Variants in DTL observed in about 807,000 individuals in gnomAD.
DTL encodes denticleless E3 ubiquitin protein ligase adapter.
Under a neutral mutation model 87.0 loss-of-function variants are expected in DTL, and 46 were observed. That is an observed-to-expected ratio of 0.53 (90% confidence interval 0.42 to 0.68). The LOEUF is 0.68. DTL is among the 30% of genes least tolerant of loss of function. The pLI is 0.00. For missense variants in DTL, 737 were observed against 869.4 expected, an observed-to-expected ratio of 0.85 and a Z score of 1.91; for synonymous variants, 308 against 311.2, an observed-to-expected ratio of 0.99 and a Z score of 0.11.
chr1:212,061,620 A>G (rs11119837), intron 5 of DTL, among the ~76,000 whole-genome samples: 11,086 of 152,316 alleles, frequency 0.073, 537 homozygotes, highest in South Asian at 0.16. Flanking sequence ...ACTATTCACA[A>G]TAGCCAAGAT....
intron 13 of DTL, among the ~76,000 whole-genome samples, chr1:212,091,095 A>G (rs1463415297): frequency 1.3e-5 from 2 of 152,368 alleles, no homozygotes; most frequent in East Asian, 1.9e-4. Flanking sequence ...GGAAATGTTC[A>G]CAATATATTA....
At chr1:212,102,331 G>A (rs1341974453) in intron 14 of DTL, among the ~76,000 whole-genome samples, 1 of 151,574 alleles carries the variant, frequency 6.6e-6, no homozygotes. Flanking sequence ...TAGCAGAAAA[G>A]TAGTTTCAAT....
Position 212,100,860 on chromosome 1 carries a change from C to G in DTL, c.1870C>G (p.Pro624Ala), listed in dbSNP as rs955252456. 14 of 1,614,154 alleles carry G rather than the reference C, an allele frequency of 8.7e-6. No homozygotes were observed. Among genetic ancestry groups the G allele is most frequent in the Non-Finnish European group, 1.1e-5 (13 of 1,180,020 alleles). The change falls in exon 14 of 15, where the codon CCT becomes GCT. Residue 624 changes from proline to alanine, a missense_variant. Transcript: ENST00000366991. ...AGTSISEPPSPISPYASESCG... is the reference protein window; with the variant it reads ...AGTSISEPPSAISPYASESCG... ...TACCAGTATCTCAGAGCCTCCGTCT[C>G]CTATCAGTCCGTATGCTTCAGAAAG... is the stretch of plus-strand genomic sequence containing the variant.
At chr1:212,068,760 G>T (rs1182105959) in intron 10 of DTL, 57 bp downstream of exon 10, 2 of 1,144,064 alleles carry the variant, frequency 1.7e-6, no homozygotes, top group Admixed American at 4.1e-5. Flanking sequence ...GCTTTTTTTG[G>T]TAATGATAAT....
At chr1:212,065,855 A>G (rs148687301) in intron 7 of DTL, among the ~76,000 whole-genome samples, 3,992 of 152,054 alleles carry the variant, frequency 0.026, 59 homozygotes, top group African/African-American at 0.047. Flanking sequence ...ACAGGTGCCC[A>G]CCACCACGCC....
intron 5 of DTL, among the ~76,000 whole-genome samples, chr1:212,054,222 G>A (rs573758169): frequency 6.6e-6 from 1 of 152,036 alleles, no homozygotes; most frequent in Non-Finnish European, 1.5e-5. Context: ...ACGGAATCAT[G>A]GGTTCCCTTT....
At chr1:212,066,177 G>A (rs565259339) in intron 7 of DTL, among the ~76,000 whole-genome samples, 1 of 151,826 alleles carries the variant, frequency 6.6e-6, no homozygotes, top group East Asian at 1.9e-4. Flanking sequence ...CTGGTGTGTA[G>A]GGTACAAGTT....
chr1:212,042,489 T>C (rs1667682898), intron 1 of DTL, among the ~76,000 whole-genome samples: 1 of 152,262 alleles, frequency 6.6e-6, no homozygotes, highest in Admixed American at 6.5e-5. Flanking sequence ...CATTTTAGAT[T>C]CCTACAATTT....
At chr1:212,068,121 G>A in intron 8 of DTL, 103 bp from the exon 9 acceptor site, 2 of 676,818 alleles carry the variant, frequency 3.0e-6, no homozygotes, top group East Asian at 2.7e-5. Context: ...CCTAGTTAAT[G>A]TGCCAGAGGA....
intron 3 of DTL, among the ~76,000 whole-genome samples, chr1:212,045,632 G>A (rs1667787077): frequency 6.6e-6 from 1 of 152,166 alleles, no homozygotes; most frequent in South Asian, 2.1e-4. Context: ...AGTAAAGAAG[G>A]CTAGGAAAAC....
chr1:212,081,524 TTG>T (rs1654990511), intron 13 of DTL, among the ~76,000 whole-genome samples: 1 of 152,238 alleles, frequency 6.6e-6, no homozygotes, highest in Non-Finnish European at 1.5e-5. Context: ...TTGATCATTC[TTG>T]CTCCTGTGTT....
chr1:212,072,986 C>T (rs1366839211), intron 11 of DTL, among the ~76,000 whole-genome samples: 3 of 152,046 alleles, frequency 2.0e-5, no homozygotes, highest in Non-Finnish European at 2.9e-5. Flanking sequence ...AGGATGGTCT[C>T]GATCTCCTGA....
At chr1:212,059,402 CAG>C (rs2102544473) in intron 5 of DTL, among the ~76,000 whole-genome samples, 1 of 151,276 alleles carries the variant, frequency 6.6e-6, no homozygotes, top group Non-Finnish European at 1.5e-5. Flanking sequence ...ACGTCATCAA[CAG>C]AATGAAGGAC....
At position 212,100,975 on chromosome 1, in the gene DTL, G is replaced by C. The variant is rs775061097; in HGVS notation, c.1985G>C (p.Trp662Ser). 8 of 1,614,134 alleles carry C rather than the reference G, an allele frequency of 5.0e-6. No homozygotes were observed. Among genetic ancestry groups the C allele is most frequent in the Non-Finnish European group, 6.8e-6 (8 of 1,180,008 alleles). ...KENSSPENKN[W>S]LLAMAAKRKA... ...AATAGTTCCCCAGAGAATAAAAACT[G>C]GTTGTTGGCCATGGCAGCCAAACGG... Residue 662 changes from tryptophan to serine, a missense_variant, in exon 14 of 15, where the codon TGG (tryptophan) becomes TCG (serine). Transcript: ENST00000366991.
Position 212,047,426 on chromosome 1 carries a change from G to C in DTL, c.460+9G>C, listed in dbSNP as rs779945184. 14 of 1,614,134 alleles carry C rather than the reference G, an allele frequency of 8.7e-6. No individual in the cohort carries two copies. Among genetic ancestry groups the C allele is most frequent in the Middle Eastern group, 3.3e-4 (2 of 6,062 alleles). ...TTCTAAGTTTGAGAAAGGTAGGTTTGTGCTTATCTTCTTTCATCTCCTTAA... is the reference window on the plus strand; with the variant it reads ...TTCTAAGTTTGAGAAAGGTAGGTTTCTGCTTATCTTCTTTCATCTCCTTAA... On this transcript the variant is annotated intron_variant, in intron 5 of 14. Transcript: ENST00000366991.
At chr1:212,041,918 G>A (rs1375507355) in intron 1 of DTL, among the ~76,000 whole-genome samples, 2 of 152,040 alleles carry the variant, frequency 1.3e-5, no homozygotes, top group Non-Finnish European at 2.9e-5. Context: ...AATTTCTTTG[G>A]TGCCCTTCTG....
At chr1:212,069,963 G>T (rs1391916323) in intron 10 of DTL, among the ~76,000 whole-genome samples, 2 of 152,138 alleles carry the variant, frequency 1.3e-5, no homozygotes. Context: ...ACTTTGCACT[G>T]GGTCTAGTTT....
At chr1:212,059,395 T>TCA (rs113400606) in intron 5 of DTL, among the ~76,000 whole-genome samples, 3,983 of 151,644 alleles carry the variant, frequency 0.026, 59 homozygotes, top group African/African-American at 0.047. Flanking sequence ...GATACATACG[T>TCA]CATCAACAGA....
At chr1:212,041,686 A>G (rs1667649896) in intron 1 of DTL, among the ~76,000 whole-genome samples, 1 of 151,348 alleles carries the variant, frequency 6.6e-6, no homozygotes. Flanking sequence ...TTTTTTATGT[A>G]TTTTTAGTAG....
Sources: allele counts gnomAD v4.1 joint callset (sites outside exome capture counted in the v4.1 genomes callset), GRCh38; gene constraint gnomAD v4.1.1; transcripts MANE v1.5; gene names NCBI Gene and HGNC (gene_info 2026-07-23, HGNC 2026-07-21).